The following GPR137B variants were observed in gnomAD, a reference collection of about 807,000 sequenced individuals.
GPR137B encodes integral membrane protein GPR137B.
A neutral mutation model predicts 42.5 loss-of-function variants in GPR137B; 42 were observed. The observed-to-expected ratio is 0.99, with a 90% CI of 0.77 to 1.28. The LOEUF (loss-of-function observed/expected upper bound fraction) is 1.28, where lower values mean the gene tolerates loss of function less well. Ranked by LOEUF, GPR137B falls within the 50% of genes most tolerant of loss-of-function variation. The probability of loss-of-function intolerance (pLI) is 0.00; values close to 1 mark genes in which losing one functional copy is unlikely to be tolerated. For synonymous variants in GPR137B, 218 were observed against 209.7 expected, an observed-to-expected ratio of 1.04 and a Z score of -0.34; for missense variants, 487 against 493.9, an observed-to-expected ratio of 0.99 and a Z score of 0.13.
At chr1:236,181,514 A>G (rs891761464) in intron 4 of GPR137B, among the ~76,000 whole-genome samples, 1 of 152,242 alleles carries the variant, frequency 6.6e-6, no homozygotes, top group Non-Finnish European at 1.5e-5. Flanking sequence ...ATTGATTGGC[A>G]AATGTTCCTT....
Position 236,180,003 on chromosome 1 carries a change from A to G in GPR137B, c.812A>G (p.Tyr271Cys), listed in dbSNP as rs1340000299. The G allele has an allele frequency of 4.3e-6, 7 of 1,613,614 alleles. No individual in the cohort carries two copies. The Admixed American group carries it at 1.2e-4, about 27-fold the overall frequency. The stretch of plus-strand genomic sequence containing the variant: ...AACAAGAGCGTCCATTCCTTTGATT[A>G]TGACTGGTACAATGTATCAGACCAG... Reference protein sequence around the residue: ...SQNKSVHSFDYDWYNVSDQAD... With the variant: ...SQNKSVHSFDCDWYNVSDQAD... Residue 271 changes from tyrosine to cysteine, a missense_variant, in exon 4 of 7, where the codon TAT becomes TGT. Transcript: ENST00000366592.
rs1662009621 is a variant in GPR137B at position 236,155,895 on chromosome 1, TG to T, written c.415-12808del. 6.6e-6 allele frequency among the ~76,000 whole-genome samples: 1 copy of T among 152,242 alleles called. No individual in the cohort carries two copies. Among genetic ancestry groups the T allele is most frequent in the Non-Finnish European group, 1.5e-5 (1 of 68,038 alleles). On this transcript the variant is annotated intron_variant, in intron 1 of 6. Transcript: ENST00000366592. This position sits in a 1 kb window ranked among gnomAD's most constrained non-coding sequence, Gnocchi z 4.6. ...TGTGAGGACCAAGGTAGGGACATCC[TG>T]GGTGGGAGCTGAGCTCCTGCCTTGT... is the stretch of plus-strand genomic sequence containing the variant.
At chr1:236,157,226 C>CT (rs35627938) in intron 1 of GPR137B, among the ~76,000 whole-genome samples, 2,109 of 139,052 alleles carry the variant, frequency 0.015, 26 homozygotes, top group African/African-American at 0.021. Context: ...AGATTCCACA[C>CT]TTTTTTTTTT....
At chr1:236,168,504 T>G (rs1364450063) in intron 1 of GPR137B, among the ~76,000 whole-genome samples, 1 of 152,206 alleles carries the variant, frequency 6.6e-6, no homozygotes, top group African/African-American at 2.4e-5. Flanking sequence ...GTTTTCTTTT[T>G]TAACCATGTT....
intron 5 of GPR137B, among the ~76,000 whole-genome samples, chr1:236,192,704 G>T (rs886734688): frequency 6.6e-6 from 1 of 152,058 alleles, no homozygotes; most frequent in African/African-American, 2.4e-5. Flanking sequence ...GAAGAACCAG[G>T]TACCTCAGTT....
At chr1:236,170,870 G>C (rs1250707261) in intron 2 of GPR137B, among the ~76,000 whole-genome samples, 1 of 151,832 alleles carries the variant, frequency 6.6e-6, no homozygotes, top group Admixed American at 6.6e-5. Context: ...CAGCTACTCA[G>C]GAGGCTGAGT....
In GPR137B at chr1:236,208,497, T is replaced by G; in HGVS notation, c.*339T>G. 9 of 940,952 alleles carry G rather than the reference T, an allele frequency of 9.6e-6. No homozygotes were observed. Among genetic ancestry groups the G allele is most frequent in the Non-Finnish European group, 1.2e-5 (9 of 776,074 alleles). The allele number at this position is 940,952 out of a possible 1,614,324, so 58.3% of individuals were successfully genotyped here. ...ATGTTACTGCAATCATGTTGTAGTT[T>G]GCACAGACTTTTATGCATAATTCAC... On this transcript the variant is annotated 3_prime_UTR_variant, in exon 7 of 7. Transcript: ENST00000366592.
intron 1 of GPR137B, among the ~76,000 whole-genome samples, chr1:236,164,289 T>C (rs998892416): frequency 3.3e-5 from 5 of 152,248 alleles, no homozygotes; most frequent in Non-Finnish European, 5.9e-5. Flanking sequence ...AATTTTCATC[T>C]GGCCTCATTT....
intron 5 of GPR137B, among the ~76,000 whole-genome samples, chr1:236,184,319 G>A (rs1163559582): frequency 1.3e-5 from 2 of 152,196 alleles, no homozygotes; most frequent in Non-Finnish European, 2.9e-5. Flanking sequence ...GCCGGATGGC[G>A]ACTAGGGAAT....
intron 5 of GPR137B, among the ~76,000 whole-genome samples, chr1:236,200,840 C>G (rs1156894712): frequency 6.6e-6 from 1 of 151,772 alleles, no homozygotes; most frequent in Non-Finnish European, 1.5e-5. Context: ...CCATTTACAC[C>G]CAACATTAGT....
At position 236,180,043 on chromosome 1, in the gene GPR137B, TGAG is replaced by T. The variant is rs1488491035; in HGVS notation, c.837+20_837+22del. ...TATCAGACCAGGTCAGTGGGGGCGC[TGAG>T]GAGGTGTCACCTGACCAGGGACTCT... On this transcript the variant is annotated intron_variant, in intron 4 of 6. Transcript: ENST00000366592. The T allele has an allele frequency of 1.2e-6, 2 of 1,609,378 alleles. No individual in the cohort carries two copies. Among genetic ancestry groups the T allele is most frequent in the Non-Finnish European group, 8.5e-7 (1 of 1,175,696 alleles).
At chr1:236,188,839 T>G (rs1415810999) in intron 5 of GPR137B, among the ~76,000 whole-genome samples, 3 of 152,238 alleles carry the variant, frequency 2.0e-5, no homozygotes, top group Non-Finnish European at 4.4e-5. Flanking sequence ...CCTCATAAAA[T>G]GAGTCAGGGA....
At chr1:236,169,303 C>T (rs982982109) in intron 2 of GPR137B, among the ~76,000 whole-genome samples, 5 of 152,288 alleles carry the variant, frequency 3.3e-5, no homozygotes, top group Middle Eastern at 3.4e-3. Flanking sequence ...TGGCCTTACC[C>T]GCCTTGTCTC....
intron 5 of GPR137B, among the ~76,000 whole-genome samples, chr1:236,191,136 CTT>C (rs551283379): frequency 1.2e-4 from 19 of 152,138 alleles, no homozygotes; most frequent in African/African-American, 4.3e-4. Flanking sequence ...CGATTTGGCT[CTT>C]GATACTTGTG....
At chr1:236,202,935 A>G (rs1663538416) in intron 5 of GPR137B, among the ~76,000 whole-genome samples, 1 of 152,102 alleles carries the variant, frequency 6.6e-6, no homozygotes, top group Non-Finnish European at 1.5e-5. Context: ...ATGGATATCT[A>G]GTTTTCCCAG....
chr1:236,151,133 G>T (rs988948481), intron 1 of GPR137B, among the ~76,000 whole-genome samples: 1 of 152,202 alleles, frequency 6.6e-6, no homozygotes, highest in African/African-American at 2.4e-5. Flanking sequence ...TGGTTGGAAG[G>T]TCTGTCTGGG....
Position 236,208,268 on chromosome 1 carries a change from AT to A in GPR137B, c.*113del, listed in dbSNP as rs976027424. 1.3e-6 allele frequency: 2 copies of A among 1,489,240 alleles called. No homozygotes were observed. Among genetic ancestry groups the A allele is most frequent in the African/African-American group, 2.8e-5 (2 of 70,602 alleles). 92.3% of individuals were successfully genotyped at this position (1,489,240 alleles called of 1,614,324 possible). ...CCTTAAGAAATAGAACTTGATTTTT[AT>A]TTGTTACAGGTTTCCAATGGCCCCA... On this transcript the variant is annotated 3_prime_UTR_variant, in exon 7 of 7. Transcript: ENST00000366592.
chr1:236,191,211 T>G (rs951398653), intron 5 of GPR137B, among the ~76,000 whole-genome samples: 1 of 152,202 alleles, frequency 6.6e-6, no homozygotes, highest in Non-Finnish European at 1.5e-5. Context: ...TATTCTCCTC[T>G]AAAGTGGTTA....
chr1:236,207,021 C>G (rs1280717626), intron 6 of GPR137B: 17 of 377,206 alleles, frequency 4.5e-5, no homozygotes, highest in Non-Finnish European at 5.8e-5. Context: ...ACTTTTTTCC[C>G]TCTGGGATGA....
Sources: allele counts gnomAD v4.1 joint callset (sites outside exome capture counted in the v4.1 genomes callset), GRCh38; gene constraint gnomAD v4.1.1; non-coding constraint Gnocchi (gnomAD v3.1); transcripts MANE v1.5; gene names NCBI Gene and HGNC (gene_info 2026-07-23, HGNC 2026-07-21).